TMTC1: variants seen among roughly 807,000 people sequenced by gnomAD.
The protein encoded by TMTC1 is protein O-mannosyl-transferase TMTC1.
Under a neutral mutation model 104.8 loss-of-function variants are expected in TMTC1, and 73 were observed. The observed-to-expected ratio is 0.70, with a 90% CI of 0.58 to 0.85. The LOEUF (loss-of-function observed/expected upper bound fraction) is 0.85, where lower values mean the gene tolerates loss of function less well. Among genes scored for constraint, TMTC1 ranks in the 40% least tolerant of loss-of-function variants. The pLI, the probability that TMTC1 is intolerant of heterozygous loss-of-function variation, is 0.00. For synonymous variants in TMTC1, 434 were observed against 428.7 expected, an observed-to-expected ratio of 1.01 and a Z score of -0.15; for missense variants, 1,035 against 1,096.1, an observed-to-expected ratio of 0.94 and a Z score of 0.79.
intron 13 of TMTC1, among the ~76,000 whole-genome samples, chr12:29,518,060 G>A (rs1431886672): frequency 1.3e-5 from 2 of 152,306 alleles, no homozygotes; most frequent in South Asian, 2.1e-4. Context: ...TAGTTGGAAC[G>A]TAAGAATGTC....
At chr12:29,596,219 C>G (rs1026566663) in intron 7 of TMTC1, among the ~76,000 whole-genome samples, 2 of 152,170 alleles carry the variant, frequency 1.3e-5, no homozygotes, top group African/African-American at 4.8e-5. Context: ...GTTGACCAGA[C>G]TGGTCTTGAA....
At chr12:29,514,336 C>A (rs748367242) in intron 16 of TMTC1, 146 bp downstream of exon 16, 49 of 720,856 alleles carry the variant, frequency 6.8e-5, no homozygotes, top group Non-Finnish European at 9.4e-5. Context: ...AACAAAACTT[C>A]GTCAATTAGT....
intron 5 of TMTC1, among the ~76,000 whole-genome samples, chr12:29,729,468 G>C (rs1172922785): frequency 6.6e-6 from 1 of 152,118 alleles, no homozygotes; most frequent in Non-Finnish European, 1.5e-5. Flanking sequence ...CAGAGGACAG[G>C]AGGAAGAGAA....
intron 5 of TMTC1, among the ~76,000 whole-genome samples, chr12:29,693,127 T>C (rs1941313131): frequency 6.9e-6 from 1 of 145,022 alleles, no homozygotes; most frequent in Non-Finnish European, 1.5e-5. Flanking sequence ...AATTGACACA[T>C]AATAATTATA....
Position 29,755,777 on chromosome 12 carries a change from T to TG in TMTC1, c.662dup (p.Gly222ArgfsTer12), listed in dbSNP as rs1565816381. ...AGCACACTCCAAACACCGTGATGCC[T>TG]GTCTCTTTCACCAGCATCGCACAGG... On this transcript the variant is annotated frameshift_variant, in exon 4 of 18. Coordinates refer to ENST00000539277, the MANE Select transcript of TMTC1 (RefSeq NM_001193451.2). LOFTEE classifies it high-confidence loss of function. 6.2e-7 allele frequency: 1 copy of TG among 1,614,202 alleles called. No homozygotes were observed. Among genetic ancestry groups the TG allele is most frequent in the Non-Finnish European group, 8.5e-7 (1 of 1,180,034 alleles).
intron 5 of TMTC1, among the ~76,000 whole-genome samples, chr12:29,689,266 T>TA (rs1941191825): frequency 1.3e-5 from 2 of 152,144 alleles, no homozygotes; most frequent in African/African-American, 4.8e-5. Flanking sequence ...ACTGGTTTTT[T>TA]TTTTTTTATT....
chr12:29,545,455 C>T (rs1944913417), intron 10 of TMTC1, among the ~76,000 whole-genome samples: 1 of 152,082 alleles, frequency 6.6e-6, no homozygotes, highest in Non-Finnish European at 1.5e-5. Flanking sequence ...GCCTGGCTAA[C>T]ATGGTGAAAC....
At chr12:29,660,182 G>T (rs1196429976) in intron 5 of TMTC1, among the ~76,000 whole-genome samples, 1 of 152,182 alleles carries the variant, frequency 6.6e-6, no homozygotes, top group Admixed American at 6.5e-5. Flanking sequence ...TCTTTGGGAG[G>T]TGCAGCAACT....
At chr12:29,736,029 C>T (rs921040700) in intron 5 of TMTC1, among the ~76,000 whole-genome samples, 5 of 152,120 alleles carry the variant, frequency 3.3e-5, no homozygotes, top group African/African-American at 1.2e-4. Context: ...ACATTTTCTT[C>T]CTGGCCACAT....
chr12:29,644,674 T>C (rs1349371238), intron 5 of TMTC1, among the ~76,000 whole-genome samples: 3 of 152,128 alleles, frequency 2.0e-5, no homozygotes, highest in Non-Finnish European at 4.4e-5. Context: ...TCTCTTAGCA[T>C]TTGCTCCACC....
chr12:29,524,849 A>G (rs1219781826), intron 11 of TMTC1, among the ~76,000 whole-genome samples: 1 of 152,226 alleles, frequency 6.6e-6, no homozygotes, highest in Non-Finnish European at 1.5e-5. Context: ...CTACAAATAA[A>G]GTTATACCTC....
intron 6 of TMTC1, among the ~76,000 whole-genome samples, chr12:29,625,101 C>T (rs1004354513): frequency 6.6e-6 from 1 of 152,168 alleles, no homozygotes; most frequent in African/African-American, 2.4e-5. Flanking sequence ...GTACACAACT[C>T]GTTTGGAAAT....
chr12:29,628,363 A>G lies in TMTC1; in HGVS notation c.1128+4784T>C, dbSNP rs180911981. ...GTTAAGTGAAAGAAGCCAGACATAC[A>G]AGATTACATGTTTTATTACTCCTGT... On this transcript the variant is annotated intron_variant, in intron 6 of 17. Transcript: ENST00000539277. 4.4e-4 allele frequency among the ~76,000 whole-genome samples: 67 copies of G among 152,252 alleles called. 1 individual carries two copies. The highest frequency in any genetic ancestry group is 3.4e-3 in the Middle Eastern group (1 of 294).
Position 29,783,378 on chromosome 12 carries a change from A to G in TMTC1, c.302+72T>C. 1.6e-6 allele frequency: 2 copies of G among 1,245,134 alleles called. No individual in the cohort carries two copies. The highest frequency in any genetic ancestry group is 2.0e-6 in the Non-Finnish European group (2 of 986,806). 77.1% of individuals were successfully genotyped at this position (1,245,134 alleles called of 1,614,324 possible). A position where few individuals can be genotyped will look rare whatever the true frequency, so the allele number is the denominator to read the frequency against. On this transcript the variant is annotated intron_variant, in intron 1 of 17. Transcript: ENST00000539277. This position sits in a 1 kb window ranked among gnomAD's most constrained non-coding sequence, Gnocchi z 4.7. ...GAAATGCCCCCAAGTCAGTCCCGCA[A>G]CTTCTCCCGGTCCGAGGGACGGGCG...
intron 5 of TMTC1, among the ~76,000 whole-genome samples, chr12:29,721,937 T>C (rs1273357333): frequency 6.6e-6 from 1 of 152,118 alleles, no homozygotes; most frequent in Non-Finnish European, 1.5e-5. Context: ...AAATCAGTGA[T>C]AAAGGGGTTT....
At chr12:29,591,804 A>G (rs945680322) in intron 7 of TMTC1, among the ~76,000 whole-genome samples, 2 of 152,260 alleles carry the variant, frequency 1.3e-5, no homozygotes, top group African/African-American at 4.8e-5. Flanking sequence ...CATTAGAATA[A>G]CAAATGTTTT....
chr12:29,751,556 G>A (rs1363384965), intron 5 of TMTC1, 110 bp downstream of exon 5: 5 of 1,080,288 alleles, frequency 4.6e-6, no homozygotes, highest in East Asian at 2.4e-5. Context: ...ATGAAGAGAG[G>A]GAGGTCACAG....
intron 9 of TMTC1, among the ~76,000 whole-genome samples, chr12:29,562,921 C>G (rs923586074): frequency 6.6e-6 from 1 of 152,176 alleles, no homozygotes; most frequent in Admixed American, 6.5e-5. Flanking sequence ...TCCTTCCTCA[C>G]ATGGATTTTT....
intron 6 of TMTC1, among the ~76,000 whole-genome samples, chr12:29,620,498 A>C (rs1947103044): frequency 6.6e-6 from 1 of 152,238 alleles, no homozygotes; most frequent in Non-Finnish European, 1.5e-5. Flanking sequence ...TAACAAATGA[A>C]ATCGAATGAC....
Sources: allele counts gnomAD v4.1 joint callset (sites outside exome capture counted in the v4.1 genomes callset), GRCh38; gene constraint gnomAD v4.1.1; non-coding constraint Gnocchi (gnomAD v3.1); transcripts MANE v1.5; gene names NCBI Gene and HGNC (gene_info 2026-07-23, HGNC 2026-07-21).